ZFHX3: variants seen among roughly 807,000 people sequenced by gnomAD.
The protein encoded by ZFHX3 is zinc finger homeobox protein 3.
ZFHX3 carries 42 observed loss-of-function variants against 279.1 expected under a neutral mutation model. The ratio of observed to expected loss-of-function variants is 0.15; its 90% CI spans 0.12 to 0.19. The LOEUF is 0.19. ZFHX3 is among the 10% of genes least tolerant of loss of function. The pLI, the probability that ZFHX3 is intolerant of heterozygous loss-of-function variation, is 1.00. For synonymous variants in ZFHX3, 2,293 were observed against 1,957.8 expected (o/e 1.17, Z -4.52); for missense variants, 4,981 against 4,754.0 (o/e 1.05, Z -1.40).
intron 2 of ZFHX3, among the ~76,000 whole-genome samples, chr16:73,500,478 C>A (rs1249480276): frequency 6.6e-6 from 1 of 151,926 alleles, no homozygotes; most frequent in Non-Finnish European, 1.5e-5. Context: ...CAGGCACATG[C>A]CACCATGCCT....
chr16:72,855,257 T>C (rs766801789), intron 4 of ZFHX3, among the ~76,000 whole-genome samples: 4 of 152,112 alleles, frequency 2.6e-5, no homozygotes, highest in African/African-American at 4.8e-5. Flanking sequence ...ATGGGGAAAA[T>C]GAGATCTGGT....
intron 7 of ZFHX3, chr16:73,127,319 C>T: frequency 7.7e-7 from 1 of 1,292,672 alleles, no homozygotes; most frequent in Non-Finnish European, 1.0e-6. Context: ...ACAGCCTTCG[C>T]TGGTGGCAGC....
chr16:73,234,664 G>A (rs750484473), intron 5 of ZFHX3, among the ~76,000 whole-genome samples: 16 of 152,180 alleles, frequency 1.1e-4, no homozygotes, highest in Non-Finnish European at 1.8e-4. Flanking sequence ...GGCACAGATC[G>A]GCCATGACCG....
intron 2 of ZFHX3, among the ~76,000 whole-genome samples, chr16:73,564,587 A>G (rs556279136): frequency 6.6e-6 from 1 of 152,132 alleles, no homozygotes; most frequent in Non-Finnish European, 1.5e-5. Context: ...TACCCCAGCC[A>G]GAGCAAACTC....
chr16:73,661,122 G>A (rs1479374044), intron 2 of ZFHX3, among the ~76,000 whole-genome samples: 1 of 152,090 alleles, frequency 6.6e-6, no homozygotes, highest in Non-Finnish European at 1.5e-5. Context: ...ACATTTTACT[G>A]ACTTAAATAA....
chr16:73,352,657 T>G (rs532360571), intron 3 of ZFHX3, among the ~76,000 whole-genome samples: 61 of 151,602 alleles, frequency 4.0e-4, no homozygotes, highest in Admixed American at 1.3e-4. Flanking sequence ...TTTAAAAAAG[T>G]TTTTTGGGGT....
chr16:73,085,582 AAGGAC>A (rs1446147072), intron 8 of ZFHX3, among the ~76,000 whole-genome samples: 1 of 152,232 alleles, frequency 6.6e-6, no homozygotes, highest in Non-Finnish European at 1.5e-5. Context: ...GCACTGGGCA[AAGGAC>A]AGTCTCTTCA....
At chr16:72,899,333 T>C (rs1404271917) in intron 3 of ZFHX3, among the ~76,000 whole-genome samples, 2 of 152,122 alleles carry the variant, frequency 1.3e-5, no homozygotes, top group African/African-American at 4.8e-5. Context: ...TGAGATCTGA[T>C]GGTTTTATAA....
chr16:73,146,029 A>G (rs943027999), intron 5 of ZFHX3, among the ~76,000 whole-genome samples: 12 of 152,346 alleles, frequency 7.9e-5, no homozygotes, highest in African/African-American at 2.9e-4. Flanking sequence ...GCCATTAAAT[A>G]TTTGATGAAA....
At chr16:73,770,129 G>C (rs2054001128) in intron 1 of ZFHX3, among the ~76,000 whole-genome samples, 1 of 152,224 alleles carries the variant, frequency 6.6e-6, no homozygotes, top group Non-Finnish European at 1.5e-5. Flanking sequence ...CAGATGACCT[G>C]ATGATAGCGA....
chr16:73,158,983 A>G (rs1166936993), intron 5 of ZFHX3, among the ~76,000 whole-genome samples: 1 of 152,252 alleles, frequency 6.6e-6, no homozygotes, highest in Non-Finnish European at 1.5e-5. Flanking sequence ...ACCCTGGAAG[A>G]CAACCTAGGC....
At chr16:72,980,056 G>A (rs1962521416) in intron 1 of ZFHX3, among the ~76,000 whole-genome samples, 1 of 152,228 alleles carries the variant, frequency 6.6e-6, no homozygotes, top group Non-Finnish European at 1.5e-5. Context: ...AGGTAATAAT[G>A]AGAAGGCTTG....
intron 3 of ZFHX3, among the ~76,000 whole-genome samples, chr16:73,337,651 A>G (rs1025549597): frequency 3.9e-5 from 6 of 151,958 alleles, no homozygotes; most frequent in African/African-American, 9.7e-5. Context: ...TTCAGTATCC[A>G]TAGACAATCC....
intron 1 of ZFHX3, among the ~76,000 whole-genome samples, chr16:73,875,598 C>T (rs2029921871): frequency 6.6e-6 from 1 of 151,698 alleles, no homozygotes; most frequent in African/African-American, 2.4e-5. Context: ...TGAAATATAC[C>T]CTGAGATTCG....
At chr16:72,911,935 G>A (rs575651203) in intron 3 of ZFHX3, among the ~76,000 whole-genome samples, 125 of 152,298 alleles carry the variant, frequency 8.2e-4, no homozygotes, top group Middle Eastern at 3.4e-3. Flanking sequence ...TTGTAACTCC[G>A]GACTCTCTCA....
At chr16:72,955,004 C>A (rs1343692290) in intron 2 of ZFHX3, among the ~76,000 whole-genome samples, 1 of 152,230 alleles carries the variant, frequency 6.6e-6, no homozygotes, top group Non-Finnish European at 1.5e-5. Flanking sequence ...AGTACAGCCA[C>A]AGCTAGAACT....
At chr16:73,397,469 G>C (rs1269553608) in intron 3 of ZFHX3, among the ~76,000 whole-genome samples, 1 of 152,134 alleles carries the variant, frequency 6.6e-6, no homozygotes, top group African/African-American at 2.4e-5. Flanking sequence ...GTATAGGCAT[G>C]GGTGTGTAGA....
chr16:72,930,924 A>G (rs1959761937), intron 3 of ZFHX3, among the ~76,000 whole-genome samples: 1 of 152,240 alleles, frequency 6.6e-6, no homozygotes, highest in Non-Finnish European at 1.5e-5. Context: ...TTTGATAGTA[A>G]TAACTAACTC....
intron 1 of ZFHX3, among the ~76,000 whole-genome samples, chr16:73,705,209 C>T (rs1049310244): frequency 3.9e-5 from 6 of 152,010 alleles, no homozygotes; most frequent in Admixed American, 3.3e-4. Context: ...TAATAATGGC[C>T]GTGTTTAGCA....
Sources: allele counts gnomAD v4.1 joint callset (sites outside exome capture counted in the v4.1 genomes callset), GRCh38; gene constraint gnomAD v4.1.1; transcripts MANE v1.5; gene names NCBI Gene and HGNC (gene_info 2026-07-23, HGNC 2026-07-21).